Variants in SPTLC3 observed in about 807,000 individuals in gnomAD.
SPTLC3 encodes the protein serine palmitoyltransferase 3.
Under a neutral mutation model 59.3 loss-of-function variants are expected in SPTLC3, and 36 were observed. That is an observed-to-expected ratio of 0.61 (90% CI 0.47 to 0.80). SPTLC3 has a LOEUF of 0.80. Among genes scored for constraint, SPTLC3 ranks in the 30% least tolerant of loss-of-function variants. SPTLC3 has a pLI of 0.00. For synonymous variants in SPTLC3, 257 were observed against 240.8 expected, an observed-to-expected ratio of 1.07 and a Z score of -0.62; for missense variants, 625 against 685.1, an observed-to-expected ratio of 0.91 and a Z score of 0.98.
rs1378729070 is a variant in SPTLC3 at position 13,117,584 on chromosome 20, A to G, written c.1011A>G (p.Glu337=). Residue 337 remains glutamate (E), a synonymous_variant, in exon 8 of 12, where the codon GAA becomes GAG. Transcript: ENST00000399002. ...KKYKAYLYID[E]AHSIGAVGPT... ...ACAAGGCTTACCTCTACATAGATGA[A>G]GCTCACAGTATTGGGGCCGTGGGCC... 5.0e-6 allele frequency: 8 copies of G among 1,613,778 alleles called. No homozygotes were observed. Among genetic ancestry groups the G allele is most frequent in the Non-Finnish European group, 6.8e-6 (8 of 1,179,804 alleles).
At chr20:13,013,526 C>A (rs1985363998) in intron 1 of SPTLC3, among the ~76,000 whole-genome samples, 1 of 152,180 alleles carries the variant, frequency 6.6e-6, no homozygotes, top group Non-Finnish European at 1.5e-5. Flanking sequence ...TGTTCATTTT[C>A]TAATGCCTTT....
intron 1 of SPTLC3, among the ~76,000 whole-genome samples, chr20:13,047,589 A>G (rs1987285561): frequency 6.6e-6 from 1 of 152,152 alleles, no homozygotes; most frequent in African/African-American, 2.4e-5. Flanking sequence ...ATATTTATTA[A>G]GGACTAAAAC....
intron 1 of SPTLC3, among the ~76,000 whole-genome samples, chr20:13,015,517 G>A (rs1568563970): frequency 2.0e-5 from 3 of 152,080 alleles, no homozygotes; most frequent in African/African-American, 7.2e-5. Context: ...TAAGTGGAAA[G>A]GCATACAACA....
chr20:13,088,899 G>A (rs971029702), intron 4 of SPTLC3, among the ~76,000 whole-genome samples: 1 of 151,214 alleles, frequency 6.6e-6, no homozygotes, highest in African/African-American at 2.4e-5. Context: ...CCAAAGTGCT[G>A]GGATTACAGG....
chr20:13,052,091 G>A (rs538426329), intron 2 of SPTLC3, among the ~76,000 whole-genome samples: 28 of 152,148 alleles, frequency 1.8e-4, no homozygotes, highest in Non-Finnish European at 3.2e-4. Context: ...CAAGATGGCC[G>A]AACAGGAACA....
chr20:13,136,247 T>A (rs2038240079), intron 9 of SPTLC3, among the ~76,000 whole-genome samples: 1 of 152,124 alleles, frequency 6.6e-6, no homozygotes, highest in South Asian at 2.1e-4. Context: ...AAAATTAAGA[T>A]GGAATAATGA....
intron 1 of SPTLC3, among the ~76,000 whole-genome samples, chr20:13,046,025 C>T (rs1987215706): frequency 6.6e-6 from 1 of 152,164 alleles, no homozygotes; most frequent in Non-Finnish European, 1.5e-5. Context: ...TATGTACACC[C>T]ACATAACTTA....
At position 13,067,085 on chromosome 20, in the gene SPTLC3, A is replaced by AC. The variant is rs1274859705; in HGVS notation, c.304-5171_304-5170insC. 4.5e-3 allele frequency among the ~76,000 whole-genome samples: 30 copies of AC among 6,668 alleles called. 9 individuals are homozygous for AC. The highest frequency in any genetic ancestry group is 0.033 in the African/African-American group (30 of 916). 4.4% of individuals were successfully genotyped at this position (6,668 alleles called of 152,430 possible). On this transcript the variant is annotated intron_variant, in intron 2 of 11. Coordinates refer to ENST00000399002, the MANE Select transcript of SPTLC3 (RefSeq NM_018327.4). ...TATATATATATATATATATATATAT[A>AC]TATATATATATATATATGTATTCAT...
chr20:13,077,254 A>G (rs1215427667), intron 4 of SPTLC3, among the ~76,000 whole-genome samples: 2 of 150,784 alleles, frequency 1.3e-5, no homozygotes, highest in Non-Finnish European at 3.0e-5. Flanking sequence ...AGTTACTATT[A>G]CTTTATGTAT....
chr20:13,070,980 A>T (rs954120505), intron 2 of SPTLC3, among the ~76,000 whole-genome samples: 2 of 151,988 alleles, frequency 1.3e-5, no homozygotes, highest in African/African-American at 4.8e-5. Context: ...ATCTCCAAGG[A>T]CTCTCCCACA....
intron 6 of SPTLC3, among the ~76,000 whole-genome samples, chr20:13,108,935 G>A (rs986731466): frequency 1.3e-5 from 2 of 152,144 alleles, no homozygotes; most frequent in African/African-American, 4.8e-5. Context: ...ATTGGATTCT[G>A]GACCTAAGTA....
intron 2 of SPTLC3, among the ~76,000 whole-genome samples, chr20:13,064,605 G>T (rs2122547021): frequency 6.6e-6 from 1 of 152,216 alleles, no homozygotes; most frequent in East Asian, 1.9e-4. Flanking sequence ...CGGCTAAATG[G>T]TTCATTTTTA....
chr20:13,051,320 C>T (rs559776775), intron 2 of SPTLC3, among the ~76,000 whole-genome samples: 14 of 152,296 alleles, frequency 9.2e-5, no homozygotes, highest in Non-Finnish European at 1.9e-4. Flanking sequence ...TGTAAAGCAA[C>T]AGTGGTTAAA....
At chr20:13,080,526 C>T (rs1372449163) in intron 4 of SPTLC3, among the ~76,000 whole-genome samples, 8 of 77,678 alleles carry the variant, frequency 1.0e-4, no homozygotes, top group Non-Finnish European at 2.1e-4. Context: ...AAAAAACAGG[C>T]AAAACTGCAC....
chr20:13,050,165 G>A (rs1225475499), intron 2 of SPTLC3: 1 of 152,130 alleles, frequency 6.6e-6, no homozygotes, highest in East Asian at 1.9e-4. Flanking sequence ...AAAGCCCAAT[G>A]CAAGAAAATC....
Position 13,116,632 on chromosome 20 carries a change from G to C in SPTLC3, c.933-874G>C, listed in dbSNP as rs181540616. Among the ~76,000 whole-genome samples, 49 of 152,170 alleles carry C rather than the reference G, an allele frequency of 3.2e-4. No individual in the cohort carries two copies. In the East Asian group the frequency reaches 8.7e-3, roughly 27 times the overall value. ...CTGCCCTAGCATGGAAGGTTCTATC[G>C]TGTATCTGTCCCAGATCACAGGACT... On this transcript the variant is annotated intron_variant, in intron 7 of 11. Coordinates refer to ENST00000399002, the MANE Select transcript of SPTLC3 (RefSeq NM_018327.4).
chr20:13,057,231 A>G lies in SPTLC3; in HGVS notation c.303+8101A>G, dbSNP rs187972887. Among the ~76,000 whole-genome samples, 151 of 152,314 alleles carry G rather than the reference A, an allele frequency of 9.9e-4. No individual in the cohort carries two copies. The Middle Eastern group carries it at 0.024, about 24-fold the overall frequency. ...TCTAAAAGCTGGTTCCTAGGAGTGC[A>G]GAATACACTGCCCCACATGACAAGC... On this transcript the variant is annotated intron_variant, in intron 2 of 11. Transcript: ENST00000399002.
intron 6 of SPTLC3, among the ~76,000 whole-genome samples, chr20:13,096,191 C>T (rs1989405490): frequency 6.6e-6 from 1 of 152,074 alleles, no homozygotes; most frequent in South Asian, 2.1e-4. Flanking sequence ...TATAAAATGG[C>T]ACAACTTCTT....
intron 2 of SPTLC3, among the ~76,000 whole-genome samples, chr20:13,052,258 G>T (rs1987527010): frequency 6.6e-6 from 1 of 152,140 alleles, no homozygotes; most frequent in African/African-American, 2.4e-5. Flanking sequence ...CCTCACCTGG[G>T]AAGCGCAAGG....
Sources: allele counts gnomAD v4.1 joint callset (sites outside exome capture counted in the v4.1 genomes callset), GRCh38; gene constraint gnomAD v4.1.1; transcripts MANE v1.5; gene names NCBI Gene and HGNC (gene_info 2026-07-23, HGNC 2026-07-21).